The following GPBP1 variants were observed in gnomAD, a reference collection of about 807,000 sequenced individuals.
GPBP1 encodes GC-rich promoter binding protein 1, also known as vasculin.
In GPBP1, 13 loss-of-function variants were observed where a neutral mutation model predicts 56.5. The observed-to-expected ratio is 0.23, with a 90% CI of 0.15 to 0.37. The LOEUF (loss-of-function observed/expected upper bound fraction) is 0.37, where lower values mean the gene tolerates loss of function less well. GPBP1 is among the 10% of genes least tolerant of loss of function. GPBP1 has a pLI of 1.00. For missense variants in GPBP1, 477 were observed against 572.3 expected (o/e 0.83, Z 1.70); for synonymous variants, 204 against 188.9 (o/e 1.08, Z -0.66).
At chr5:57,183,765 A>ATTTTTTTTTTTTTTTTTTTTTTTT (rs34608817) in intron 2 of GPBP1, among the ~76,000 whole-genome samples, 1 of 133,282 alleles carries the variant, frequency 7.5e-6, no homozygotes, top group Non-Finnish European at 1.6e-5. Context: ...GGGGATATGA[A>ATTTTTTTTTTTTTTTTTTTTTTTT]TTTTTTTTTT....
chr5:57,247,756 G>A (rs1176639764), intron 8 of GPBP1, among the ~76,000 whole-genome samples: 3 of 151,984 alleles, frequency 2.0e-5, no homozygotes, highest in African/African-American at 7.3e-5. Flanking sequence ...TTTTTTGGGG[G>A]GTGGTAGGAG....
At chr5:57,258,568 T>A (rs1424452123) in intron 10 of GPBP1, among the ~76,000 whole-genome samples, 2 of 152,250 alleles carry the variant, frequency 1.3e-5, no homozygotes, top group African/African-American at 2.4e-5. Flanking sequence ...TATGTGCGGT[T>A]GTCTGACCAA....
rs533095229 is a variant in GPBP1 at position 57,263,499 on chromosome 5, A to T, written c.*747A>T. ...GGAAAAGAGTCTTGTGAGAAAACTT[A>T]TTTTGATAAATTATTACACACGCAG... On this transcript the variant is annotated 3_prime_UTR_variant, in exon 12 of 12. Coordinates refer to ENST00000506184, the MANE Select transcript of GPBP1 (RefSeq NM_022913.4). The T allele has an allele frequency of 6.6e-6, 1 of 152,302 alleles. No individual in the cohort carries two copies. Among genetic ancestry groups the T allele is most frequent in the Admixed American group, 6.5e-5 (1 of 15,294 alleles). The allele number at this position is 152,302 out of a possible 1,614,324, so 9.4% of individuals were successfully genotyped here. A position where few individuals can be genotyped will look rare whatever the true frequency, so the allele number is the denominator to read the frequency against.
intron 2 of GPBP1, among the ~76,000 whole-genome samples, chr5:57,213,683 A>G (rs1248813623): frequency 1.3e-5 from 2 of 152,214 alleles, no homozygotes; most frequent in Non-Finnish European, 2.9e-5. Flanking sequence ...ACAAGACTAC[A>G]TCATAGATGG....
chr5:57,233,066 T>C (rs1446788765), intron 5 of GPBP1, among the ~76,000 whole-genome samples: 1 of 151,986 alleles, frequency 6.6e-6, no homozygotes, highest in African/African-American at 2.4e-5. Flanking sequence ...TAGAGAGGAG[T>C]CACGTGATGC....
chr5:57,228,881 A>G (rs1178083983), intron 3 of GPBP1, among the ~76,000 whole-genome samples: 1 of 151,880 alleles, frequency 6.6e-6, no homozygotes, highest in African/African-American at 2.4e-5. Context: ...TTCCCTCCCT[A>G]CTGAGAGAAG....
rs542753328 is a variant in GPBP1, at chr5:57,204,748, T to C, written c.-57-9326T>C. On this transcript the variant is annotated intron_variant, in intron 2 of 11. Transcript: ENST00000506184. ...ATATCAGTTTGACCTGTTACTGATG[T>C]TGTTCACTTTAATTTGTTGATTAAG... Among the ~76,000 whole-genome samples the C allele has an allele frequency of 3.9e-5, 6 of 152,330 alleles. No individual in the cohort carries two copies. In the South Asian group the frequency reaches 6.2e-4, roughly 16 times the overall value.
intron 2 of GPBP1, among the ~76,000 whole-genome samples, chr5:57,204,451 C>T (rs566879072): frequency 6.6e-6 from 1 of 152,208 alleles, no homozygotes; most frequent in Non-Finnish European, 1.5e-5. Flanking sequence ...CGGATTTTGC[C>T]ACGTTGACCA....
chr5:57,241,287 C>T (rs1209664377), intron 6 of GPBP1, among the ~76,000 whole-genome samples: 1 of 152,260 alleles, frequency 6.6e-6, no homozygotes, highest in Non-Finnish European at 1.5e-5. Flanking sequence ...TTATATGTGG[C>T]AGTATTTTTG....
chr5:57,227,827 C>T (rs914352890), intron 3 of GPBP1, among the ~76,000 whole-genome samples: 3 of 152,152 alleles, frequency 2.0e-5, no homozygotes, highest in Non-Finnish European at 4.4e-5. Flanking sequence ...CAGATGGTAA[C>T]ATCCCAGACT....
At chr5:57,180,677 A>G (rs182881707) in intron 2 of GPBP1, among the ~76,000 whole-genome samples, 24 of 152,250 alleles carry the variant, frequency 1.6e-4, no homozygotes, top group Admixed American at 7.2e-4. Flanking sequence ...TCTTCATTAT[A>G]CTGATGGAAA....
At position 57,261,164 on chromosome 5, in the gene GPBP1, TTCCTC is replaced by T; in HGVS notation, c.1161-11_1161-7del. The T allele has an allele frequency of 1.3e-6, 2 of 1,526,274 alleles. No homozygotes were observed. 94.5% of individuals were successfully genotyped at this position (1,526,274 alleles called of 1,614,324 possible). On this transcript the variant is annotated splice_polypyrimidine_tract_variant and intron_variant, in intron 10 of 11. Transcript: ENST00000506184. The stretch of plus-strand genomic sequence containing the variant: ...GGGTAAGCTTTACATTAAACTTAAT[TTCCTC>T]TCCTTTTCAGATTGTTAAAGGAAAT...
intron 6 of GPBP1, 43 bp from the exon 7 acceptor site, chr5:57,246,257 C>CTT: frequency 1.3e-6 from 2 of 1,496,974 alleles, no homozygotes; most frequent in Non-Finnish European, 1.8e-6. Flanking sequence ...TATACTAAAA[C>CTT]TTGAAATTGT....
chr5:57,198,165 T>G (rs1291365786), intron 2 of GPBP1, among the ~76,000 whole-genome samples: 2 of 152,190 alleles, frequency 1.3e-5, no homozygotes, highest in Non-Finnish European at 2.9e-5. Context: ...TATCTGCAGT[T>G]TTGCAGTCCT....
intron 9 of GPBP1, 98 bp downstream of exon 9, chr5:57,249,674 T>G (rs1258025780): frequency 1.8e-5 from 18 of 1,023,974 alleles, no homozygotes; most frequent in Non-Finnish European, 2.2e-5. Context: ...ATCATTTCCT[T>G]GGAAAGAAAC....
chr5:57,197,182 C>A (rs574320950), intron 2 of GPBP1, among the ~76,000 whole-genome samples: 1 of 151,966 alleles, frequency 6.6e-6, no homozygotes, highest in Non-Finnish European at 1.5e-5. Context: ...ACATCTAGCC[C>A]ATTTTTTTTT....
Position 57,200,577 on chromosome 5 carries a change from C to T in GPBP1, c.-57-13497C>T, listed in dbSNP as rs144568433. On this transcript the variant is annotated intron_variant, in intron 2 of 11. Coordinates refer to ENST00000506184, the MANE Select transcript of GPBP1 (RefSeq NM_022913.4). ...AGAGTCAGGGTTTCACCAAGTTGGC[C>T]AGGCTGGCCTCGACCTCCTGACCTT... Among the ~76,000 whole-genome samples the T allele has an allele frequency of 3.8e-3, 583 of 152,076 alleles. 7 individuals are homozygous for T. Among genetic ancestry groups the T allele is most frequent in the African/African-American group, 0.014 (562 of 41,502 alleles).
chr5:57,186,945 A>G (rs1048299913), intron 2 of GPBP1, among the ~76,000 whole-genome samples: 1 of 150,886 alleles, frequency 6.6e-6, no homozygotes, highest in African/African-American at 2.4e-5. Flanking sequence ...CCATTGAATC[A>G]CCTTGAAATT....
rs909384739 is a variant in GPBP1 at position 57,264,183 on chromosome 5, C to T, written c.*1431C>T. 1 of 151,974 alleles carries T rather than the reference C, an allele frequency of 6.6e-6. No individual in the cohort carries two copies. The highest frequency in any genetic ancestry group is 1.5e-5 in the Non-Finnish European group (1 of 67,984). 9.4% of individuals were successfully genotyped at this position (151,974 alleles called of 1,614,324 possible). ...TAAAAACAACACACTAGCACACTCC[C>T]ACAAAACTTGAGGAAGAGTTAGAAT... On this transcript the variant is annotated 3_prime_UTR_variant, in exon 12 of 12. Coordinates refer to ENST00000506184, the MANE Select transcript of GPBP1 (RefSeq NM_022913.4).
Sources: allele counts gnomAD v4.1 joint callset (sites outside exome capture counted in the v4.1 genomes callset), GRCh38; gene constraint gnomAD v4.1.1; transcripts MANE v1.5; gene names NCBI Gene and HGNC (gene_info 2026-07-23, HGNC 2026-07-21).